Variants in PDZRN4 observed in about 807,000 individuals in gnomAD.
PDZRN4 encodes PDZ domain-containing RING finger protein 4.
A neutral mutation model predicts 99.0 loss-of-function variants in PDZRN4; 70 were observed. The ratio of observed to expected loss-of-function variants is 0.71; its 90% CI spans 0.58 to 0.86. The LOEUF is 0.86. PDZRN4 is among the 40% of genes least tolerant of loss of function. The probability of loss-of-function intolerance (pLI) is 0.00; values close to 1 mark genes in which losing one functional copy is unlikely to be tolerated. For missense variants in PDZRN4, 1,474 were observed against 1,331.2 expected, an observed-to-expected ratio of 1.11 and a Z score of -1.67; for synonymous variants, 551 against 501.6, an observed-to-expected ratio of 1.10 and a Z score of -1.32.
intron 3 of PDZRN4, among the ~76,000 whole-genome samples, chr12:41,480,137 T>C (rs532203735): frequency 1.6e-3 from 244 of 152,268 alleles, no homozygotes; most frequent in Non-Finnish European, 2.9e-3. Flanking sequence ...ATTTCTTCTC[T>C]CATGCACGAT....
At chr12:41,287,242 A>T (rs1951427818) in intron 3 of PDZRN4, among the ~76,000 whole-genome samples, 1 of 152,208 alleles carries the variant, frequency 6.6e-6, no homozygotes, top group African/African-American at 2.4e-5. Context: ...CTACAGCCAT[A>T]GTCATGGTTC....
chr12:41,400,678 C>T (rs577242736), intron 3 of PDZRN4, among the ~76,000 whole-genome samples: 53 of 152,230 alleles, frequency 3.5e-4, no homozygotes, highest in African/African-American at 1.2e-3. Context: ...TGCCCTAGTG[C>T]ATCATTCAGG....
intron 3 of PDZRN4, among the ~76,000 whole-genome samples, chr12:41,296,728 G>A (rs1470720948): frequency 6.6e-6 from 1 of 152,178 alleles, no homozygotes; most frequent in African/African-American, 2.4e-5. Flanking sequence ...GGGAGGCTGA[G>A]ACAGGAGGAT....
intron 3 of PDZRN4, chr12:41,438,022 A>G (rs1592059236): frequency 6.2e-7 from 1 of 1,613,672 alleles, no homozygotes; most frequent in Non-Finnish European, 8.5e-7. Flanking sequence ...AGGTGAGTGC[A>G]GGGTCTGATA....
intron 3 of PDZRN4, among the ~76,000 whole-genome samples, chr12:41,240,357 A>G (rs1951094280): frequency 6.6e-6 from 1 of 152,180 alleles, no homozygotes; most frequent in Non-Finnish European, 1.5e-5. Context: ...CTGTCTCAAA[A>G]CATAATGGGT....
At chr12:41,519,716 A>C (rs1938461261) in intron 5 of PDZRN4, among the ~76,000 whole-genome samples, 3 of 151,980 alleles carry the variant, frequency 2.0e-5, no homozygotes, top group Admixed American at 2.0e-4. Flanking sequence ...GAACAATTTC[A>C]TGCCAGTTTT....
chr12:41,573,864 G>T lies in PDZRN4; in HGVS notation c.3085G>T (p.Ala1029Ser). Residue 1029 changes from alanine to serine, a missense_variant, in exon 10 of 10, where the codon GCC becomes TCC. Coordinates refer to ENST00000402685, the MANE Select transcript of PDZRN4 (RefSeq NM_001164595.2). ...KSPDGTRVHN[A>S]FLSVTTV ...TCCAGATGGCACGAGAGTCCATAAT[G>T]CCTTCTTGTCGGTGACCACTGTATG... is the stretch of plus-strand genomic sequence containing the variant. The T allele has an allele frequency of 6.3e-7, 1 of 1,579,096 alleles. No individual in the cohort carries two copies. The highest frequency in any genetic ancestry group is 1.4e-5 in the African/African-American group (1 of 73,452).
chr12:41,240,898 T>C (rs1566386847), intron 3 of PDZRN4, among the ~76,000 whole-genome samples: 1 of 152,124 alleles, frequency 6.6e-6, no homozygotes, highest in Non-Finnish European at 1.5e-5. Flanking sequence ...AACATATGAA[T>C]TTTGGGGGAA....
At chr12:41,425,474 G>T (rs916670439) in intron 3 of PDZRN4, among the ~76,000 whole-genome samples, 2 of 151,968 alleles carry the variant, frequency 1.3e-5, no homozygotes, top group African/African-American at 4.8e-5. Context: ...TACAAGTAAT[G>T]TTCTGTTACA....
chr12:41,351,616 C>T (rs948133951), intron 3 of PDZRN4, among the ~76,000 whole-genome samples: 13 of 151,850 alleles, frequency 8.6e-5, no homozygotes, highest in African/African-American at 2.9e-4. Context: ...CACTTTCAAA[C>T]AACCAAATCT....
intron 5 of PDZRN4, among the ~76,000 whole-genome samples, chr12:41,550,442 C>G (rs549257184): frequency 3.9e-4 from 60 of 152,098 alleles, no homozygotes; most frequent in Admixed American, 1.2e-3. Flanking sequence ...TGCTATAATT[C>G]CTTCCTAATG....
chr12:41,414,881 CACAGGG>C (rs1218764173), intron 3 of PDZRN4, among the ~76,000 whole-genome samples: 1 of 152,114 alleles, frequency 6.6e-6, no homozygotes. Context: ...GTTCTTTATT[CACAGGG>C]ACTAGCAGAG....
chr12:41,356,738 A>G (rs907622734), intron 3 of PDZRN4, among the ~76,000 whole-genome samples: 3 of 152,010 alleles, frequency 2.0e-5, no homozygotes, highest in Non-Finnish European at 4.4e-5. Context: ...GTGACCTTTT[A>G]GAACTGATTT....
At chr12:41,259,510 G>C (rs1244436848) in intron 3 of PDZRN4, among the ~76,000 whole-genome samples, 1 of 152,098 alleles carries the variant, frequency 6.6e-6, no homozygotes, top group Non-Finnish European at 1.5e-5. Context: ...GTTTATTTGT[G>C]TTGGATGAAA....
In PDZRN4 at chr12:41,188,385, C is replaced by T. The variant is rs547812866; in HGVS notation, c.-71C>T. On this transcript the variant is annotated 5_prime_UTR_variant, in exon 1 of 10. Transcript: ENST00000402685. ...CGCGAGACGGCTGCCCCGGGGGTGG[C>T]CCGGGGAAGGCAGGGGGGCTCGGAG... 2.3e-4 allele frequency: 320 copies of T among 1,394,390 alleles called. 1 individual carries two copies. The African/African-American group carries it at 4.1e-3, about 18-fold the overall frequency. The allele number at this position is 1,394,390 out of a possible 1,614,324, so 86.4% of individuals were successfully genotyped here. A position where few individuals can be genotyped will look rare whatever the true frequency, so the allele number is the denominator to read the frequency against.
chr12:41,435,534 A>T (rs1952621440), intron 3 of PDZRN4, among the ~76,000 whole-genome samples: 1 of 152,190 alleles, frequency 6.6e-6, no homozygotes, highest in African/African-American at 2.4e-5. Context: ...CACGCCTGTA[A>T]TCCCAGCACC....
intron 3 of PDZRN4, among the ~76,000 whole-genome samples, chr12:41,304,071 T>A (rs1331386364): frequency 6.6e-6 from 1 of 152,122 alleles, no homozygotes; most frequent in Non-Finnish European, 1.5e-5. Context: ...TCACAAAACA[T>A]GAAAAATTCT....
chr12:41,392,270 AAAG>A (rs368811420), intron 3 of PDZRN4, among the ~76,000 whole-genome samples: 7 of 152,256 alleles, frequency 4.6e-5, no homozygotes, highest in African/African-American at 1.4e-4. Flanking sequence ...GACCCCAGAG[AAAG>A]AAGAACTTAT....
chr12:41,450,733 C>A (rs1252107743), intron 3 of PDZRN4, among the ~76,000 whole-genome samples: 1 of 152,058 alleles, frequency 6.6e-6, no homozygotes, highest in East Asian at 1.9e-4. Flanking sequence ...ACCAGCCTGG[C>A]CAACATAGTA....
Sources: allele counts gnomAD v4.1 joint callset (sites outside exome capture counted in the v4.1 genomes callset), GRCh38; gene constraint gnomAD v4.1.1; transcripts MANE v1.5; gene names NCBI Gene and HGNC (gene_info 2026-07-23, HGNC 2026-07-21).